Variants in MALRD1 observed in about 807,000 individuals in gnomAD.
MALRD1 encodes the protein MAM and LDL receptor class A domain containing 1, also known as MAM and LDL-receptor class A domain-containing protein 1.
MALRD1 carries 247 observed loss-of-function variants against 242.1 expected under a neutral mutation model. The ratio of observed to expected loss-of-function variants is 1.02; its 90% CI spans 0.92 to 1.13. The LOEUF (loss-of-function observed/expected upper bound fraction) is 1.13, where lower values mean the gene tolerates loss of function less well. Ranked by LOEUF, MALRD1 falls within the 50% of genes most tolerant of loss-of-function variation. MALRD1 has a pLI of 0.00. For synonymous variants in MALRD1, 995 were observed against 866.6 expected (o/e 1.15, Z -2.60); for missense variants, 2,989 against 2,533.1 (o/e 1.18, Z -3.86).
Position 19,049,047 on chromosome 10 carries a change from A to C in MALRD1, c.109A>C (p.Ser37Arg). The change falls in exon 1 of 40, where the codon AGC becomes CGC. Residue 37 changes from serine to arginine, a missense_variant. Coordinates refer to ENST00000454679, the MANE Select transcript of MALRD1 (RefSeq NM_001142308.3). ...NSTLAQQGTE[S>R]FQCDNGVSLP... Reference sequence around the variant, plus strand: ...TACACTGGCTCAGCAAGGGACAGAAAGCTTTCAGTGTGACAATGGAGTCTC... The same window carrying C: ...TACACTGGCTCAGCAAGGGACAGAACGCTTTCAGTGTGACAATGGAGTCTC... 8.1e-7 allele frequency: 1 copy of C among 1,233,910 alleles called. No individual in the cohort carries two copies. Among genetic ancestry groups the C allele is most frequent in the Non-Finnish European group, 1.0e-6 (1 of 988,140 alleles). The allele number at this position is 1,233,910 out of a possible 1,614,324, so 76.4% of individuals were successfully genotyped here.
chr10:19,277,724 A>G (rs1252119133), intron 19 of MALRD1, among the ~76,000 whole-genome samples: 1 of 152,194 alleles, frequency 6.6e-6, no homozygotes, highest in Admixed American at 6.5e-5. Flanking sequence ...ATTTTGATCT[A>G]TCTTCAATCT....
intron 38 of MALRD1, among the ~76,000 whole-genome samples, chr10:19,719,207 T>TAC (rs1172128840): frequency 3.1e-4 from 21 of 67,360 alleles, no homozygotes; most frequent in African/African-American, 1.6e-3. Flanking sequence ...TATATATATA[T>TAC]ATATACACAT....
chr10:19,684,303 A>T (rs1178305086), intron 36 of MALRD1, among the ~76,000 whole-genome samples: 4 of 152,216 alleles, frequency 2.6e-5, no homozygotes, highest in Admixed American at 1.3e-4. Context: ...TCATATTATT[A>T]AAAAATCGAG....
chr10:19,607,329 G>T (rs1185946509), intron 34 of MALRD1, among the ~76,000 whole-genome samples: 1 of 152,120 alleles, frequency 6.6e-6, no homozygotes, highest in Non-Finnish European at 1.5e-5. Flanking sequence ...GTGTAGGCAG[G>T]TTTGGTGTCT....
At chr10:19,349,261 C>A (rs117492250) in intron 25 of MALRD1, among the ~76,000 whole-genome samples, 1,656 of 152,286 alleles carry the variant, frequency 0.011, 24 homozygotes, top group Non-Finnish European at 0.018. Flanking sequence ...GCGCCCAGCC[C>A]AACTTACACT....
Position 19,172,201 on chromosome 10 carries a change from A to ATATATG in MALRD1, c.1831-2989_1831-2984dup, listed in dbSNP as rs572341346. Among the ~76,000 whole-genome samples the ATATATG allele has an allele frequency of 8.4e-3, 1,236 of 147,062 alleles. 14 individuals carry two copies. The highest frequency in any genetic ancestry group is 0.028 in the African/African-American group (1,142 of 40,598). ...CATATATATACATATATACACATAT[A>ATATATG]TATATGTATATGTATATGTATATAT... On this transcript the variant is annotated intron_variant, in intron 13 of 39. Transcript: ENST00000454679.
In MALRD1 at chr10:19,662,620, C is replaced by T. The variant is rs558618770; in HGVS notation, c.6138-29662C>T. On this transcript the variant is annotated intron_variant, in intron 36 of 39. Coordinates refer to ENST00000454679, the MANE Select transcript of MALRD1 (RefSeq NM_001142308.3). Reference sequence around the variant, plus strand: ...AGAGTTTTAGTGATTTACTCAAGGTCATCCAATTATTCAAGGAAAGAGAAA... The same window carrying T: ...AGAGTTTTAGTGATTTACTCAAGGTTATCCAATTATTCAAGGAAAGAGAAA... Among the ~76,000 whole-genome samples the T allele has an allele frequency of 2.0e-5, 3 of 152,224 alleles. No homozygotes were observed. In the South Asian group the frequency reaches 6.2e-4, roughly 32 times the overall value.
Position 19,614,896 on chromosome 10 carries a change from T to C in MALRD1, c.6071-961T>C, listed in dbSNP as rs1326790309. Among the ~76,000 whole-genome samples, 3 of 152,138 alleles carry C rather than the reference T, an allele frequency of 2.0e-5. No individual in the cohort carries two copies. The East Asian group carries it at 5.8e-4, about 30-fold the overall frequency. On this transcript the variant is annotated intron_variant, in intron 35 of 39. Transcript: ENST00000454679. ...TTTGCCTGCCATGACATGAGGACTG[T>C]TGTGTAGAACTAGAGAAATATTTCA...
intron 5 of MALRD1, among the ~76,000 whole-genome samples, chr10:19,115,935 AT>A (rs1429563808): frequency 6.6e-6 from 1 of 152,220 alleles, no homozygotes; most frequent in Non-Finnish European, 1.5e-5. Context: ...ACTGCTTAGT[AT>A]TAGGTATTTT....
chr10:19,530,195 G>A (rs1834291701), intron 31 of MALRD1, among the ~76,000 whole-genome samples: 1 of 150,400 alleles, frequency 6.6e-6, no homozygotes, highest in African/African-American at 2.4e-5. Context: ...CTGTGGGAGA[G>A]GTATGAGGAC....
intron 30 of MALRD1, among the ~76,000 whole-genome samples, chr10:19,496,179 A>AT (rs1837713202): frequency 6.6e-6 from 1 of 152,176 alleles, no homozygotes; most frequent in Admixed American, 6.5e-5. Flanking sequence ...GAAAATTAAC[A>AT]AAGATATTCA....
intron 21 of MALRD1, among the ~76,000 whole-genome samples, chr10:19,312,883 G>C (rs1367479622): frequency 6.6e-6 from 1 of 151,488 alleles, no homozygotes; most frequent in Non-Finnish European, 1.5e-5. Flanking sequence ...ATGAAGGGCA[G>C]GGAAACGATC....
intron 21 of MALRD1, among the ~76,000 whole-genome samples, chr10:19,308,171 G>T (rs928647187): frequency 6.6e-6 from 1 of 151,100 alleles, no homozygotes; most frequent in Non-Finnish European, 1.5e-5. Flanking sequence ...CCTACATTTC[G>T]TCTAGACTCC....
chr10:19,260,674 A>C (rs1376238488), intron 19 of MALRD1, among the ~76,000 whole-genome samples: 1 of 152,162 alleles, frequency 6.6e-6, no homozygotes, highest in African/African-American at 2.4e-5. Flanking sequence ...ACAATGTTTT[A>C]AGAGTCTAGA....
intron 18 of MALRD1, among the ~76,000 whole-genome samples, chr10:19,236,628 A>G (rs933759891): frequency 2.6e-5 from 4 of 152,114 alleles, no homozygotes; most frequent in African/African-American, 7.2e-5. Flanking sequence ...GCTTCACATC[A>G]GGGAAAATAA....
At chr10:19,293,094 A>G (rs553470531) in intron 21 of MALRD1, among the ~76,000 whole-genome samples, 25 of 152,258 alleles carry the variant, frequency 1.6e-4, no homozygotes, top group African/African-American at 6.0e-4. Context: ...CTTCTCTGGT[A>G]AGAAGATAAG....
At chr10:19,404,230 A>G (rs1207277752) in intron 28 of MALRD1, among the ~76,000 whole-genome samples, 1 of 152,072 alleles carries the variant, frequency 6.6e-6, no homozygotes, top group Non-Finnish European at 1.5e-5. Context: ...GATGGTTTGC[A>G]GTGATTTCAG....
intron 36 of MALRD1, among the ~76,000 whole-genome samples, chr10:19,619,827 A>G (rs1839323455): frequency 6.6e-6 from 1 of 152,030 alleles, no homozygotes; most frequent in African/African-American, 2.4e-5. Context: ...CAACTTAAAA[A>G]TGTCATGGTT....
chr10:19,061,754 A>G (rs1834828914), intron 1 of MALRD1, among the ~76,000 whole-genome samples: 1 of 152,160 alleles, frequency 6.6e-6, no homozygotes, highest in Non-Finnish European at 1.5e-5. Context: ...TTGGAGTTGG[A>G]CCCTTACCTT....
Sources: allele counts gnomAD v4.1 joint callset (sites outside exome capture counted in the v4.1 genomes callset), GRCh38; gene constraint gnomAD v4.1.1; transcripts MANE v1.5; gene names NCBI Gene and HGNC (gene_info 2026-07-23, HGNC 2026-07-21).